The following NF1 variants were observed in gnomAD, a reference collection of about 807,000 sequenced individuals.
NF1 encodes the protein neurofibromin 1.
A neutral mutation model predicts 325.7 loss-of-function variants in NF1; 122 were observed. The observed-to-expected ratio is 0.37, with a 90% confidence interval of 0.32 to 0.44. The LOEUF (loss-of-function observed/expected upper bound fraction) is 0.44, where lower values mean the gene tolerates loss of function less well. NF1 is among the 20% of genes least tolerant of loss of function. The pLI, the probability that NF1 is intolerant of heterozygous loss-of-function variation, is 1.00. For missense variants in NF1, 2,140 were observed against 3,415.4 expected, an observed-to-expected ratio of 0.63 and a Z score of 9.31; for synonymous variants, 1,091 against 1,186.0, an observed-to-expected ratio of 0.92 and a Z score of 1.65.
chr17:31,161,875 A>G (rs2065766658), intron 3 of NF1, among the ~76,000 whole-genome samples: 3 of 151,848 alleles, frequency 2.0e-5, no homozygotes, highest in Admixed American at 2.0e-4. Context: ...ATATCTGCTA[A>G]AAATACAAAA....
chr17:31,176,843 C>T (rs910811187), intron 5 of NF1, among the ~76,000 whole-genome samples: 2 of 152,070 alleles, frequency 1.3e-5, no homozygotes, highest in Admixed American at 1.3e-4. Context: ...TTTCTGAGGC[C>T]TCTGTTCTGT....
chr17:31,260,327 G>A (rs1283865267), intron 33 of NF1, 42 bp from the exon 34 acceptor site: 1 of 1,596,578 alleles, frequency 6.3e-7, no homozygotes, highest in Non-Finnish European at 8.6e-7. Context: ...AAGTCTGGGT[G>A]TATCTGGTGT....
chr17:31,172,351 GTCTCTCTC>G (rs968759244), intron 5 of NF1, among the ~76,000 whole-genome samples: 2 of 39,278 alleles, frequency 5.1e-5, no homozygotes, highest in African/African-American at 8.4e-5. Flanking sequence ...CTGTCTCTCT[GTCTCTCTC>G]TCTCTCTCTC....
intron 36 of NF1, chr17:31,318,476 T>C: frequency 3.1e-6 from 5 of 1,614,036 alleles, no homozygotes; most frequent in Non-Finnish European, 4.2e-6. Flanking sequence ...AAATCGCCAT[T>C]GCTTCTAGGC....
At position 31,147,971 on chromosome 17, in the gene NF1, A is replaced by AAGGCT. The variant is rs1250570821; in HGVS notation, c.61-8012_61-8011insAGGCT. Among the ~76,000 whole-genome samples, 7 of 152,258 alleles carry AAGGCT rather than the reference A, an allele frequency of 4.6e-5. No individual in the cohort carries two copies. In the East Asian group the frequency reaches 1.3e-3, roughly 29 times the overall value. ...GTACATTGCCTGGGAAAAAAGCCTT[A>AAGGCT]TTTCTCAATCTGTTTTCCTGACCAG... On this transcript the variant is annotated intron_variant, in intron 1 of 57. Transcript: ENST00000358273.
intron 36 of NF1, among the ~76,000 whole-genome samples, chr17:31,284,854 C>T (rs1280039926): frequency 2.6e-5 from 4 of 152,086 alleles, no homozygotes; most frequent in Non-Finnish European, 5.9e-5. Flanking sequence ...GGCGTGGTGG[C>T]TCACGCCTGT....
chr17:31,359,833 GCT>G (rs2151586959), intron 56 of NF1: 1 of 155,922 alleles, frequency 6.4e-6, no homozygotes, highest in Admixed American at 6.2e-5. Context: ...CTGTATGTGG[GCT>G]CTCTCCAAAT....
At chr17:31,224,864 A>G (rs1434538973) in intron 16 of NF1, among the ~76,000 whole-genome samples, 1 of 152,176 alleles carries the variant, frequency 6.6e-6, no homozygotes, top group East Asian at 1.9e-4. Flanking sequence ...TATTTGTAGA[A>G]TCTACTGTTT....
intron 12 of NF1, among the ~76,000 whole-genome samples, chr17:31,208,084 A>G (rs1597691002): frequency 6.6e-6 from 1 of 152,194 alleles, no homozygotes; most frequent in Admixed American, 6.5e-5. Context: ...TCTTAGCCCT[A>G]GTTATAAGCT....
At chr17:31,348,219 A>G (rs1244444007) in intron 48 of NF1, among the ~76,000 whole-genome samples, 1 of 109,458 alleles carries the variant, frequency 9.1e-6, no homozygotes, top group African/African-American at 3.7e-5. Flanking sequence ...GAGTTATTCT[A>G]TAGAATACTC....
chr17:31,263,075 ATAGGTAGG>A (rs869183381), intron 35 of NF1, among the ~76,000 whole-genome samples: 1,595 of 140,628 alleles, frequency 0.011, 15 homozygotes, highest in African/African-American at 0.017. Flanking sequence ...AGGTAGATAG[ATAGGTAGG>A]TAGGTAGGTA....
At chr17:31,180,904 G>T (rs1161832749) in intron 5 of NF1, among the ~76,000 whole-genome samples, 1 of 152,122 alleles carries the variant, frequency 6.6e-6, no homozygotes, top group East Asian at 1.9e-4. Flanking sequence ...AAAGTCTCAG[G>T]ATACAAAATC....
chr17:31,323,151 C>T (rs557638907), intron 36 of NF1, among the ~76,000 whole-genome samples: 4 of 152,200 alleles, frequency 2.6e-5, no homozygotes, highest in African/African-American at 9.6e-5. Flanking sequence ...AATCTCAGCA[C>T]TTTGGGAGGC....
chr17:31,309,648 T>C (rs945429853), intron 36 of NF1, among the ~76,000 whole-genome samples: 9 of 152,368 alleles, frequency 5.9e-5, no homozygotes, highest in African/African-American at 9.6e-5. Context: ...TTTGTGACTT[T>C]GCTTAAAATA....
At chr17:31,318,638 A>G in intron 36 of NF1, 4 of 1,614,146 alleles carry the variant, frequency 2.5e-6, no homozygotes, top group Non-Finnish European at 3.4e-6. Context: ...TTTTCCGCAC[A>G]GACATCCTTT....
chr17:31,252,719 C>T (rs761181784), intron 30 of NF1: 9 of 547,618 alleles, frequency 1.6e-5, no homozygotes, highest in Middle Eastern at 4.6e-4. Flanking sequence ...ATGATTGGGT[C>T]TCAACATTTC....
intron 12 of NF1, among the ~76,000 whole-genome samples, chr17:31,210,236 A>C (rs1050094873): frequency 2.6e-5 from 4 of 152,208 alleles, no homozygotes; most frequent in Non-Finnish European, 5.9e-5. Context: ...GGCATTTAGT[A>C]CATGTTTGCA....
chr17:31,167,709 T>C (rs2065867786), intron 4 of NF1, among the ~76,000 whole-genome samples: 1 of 152,208 alleles, frequency 6.6e-6, no homozygotes, highest in Non-Finnish European at 1.5e-5. Flanking sequence ...TGGTTGTTGG[T>C]GTAAAATGGA....
rs1208244861 is a variant in NF1, at chr17:31,232,608, C to T, written c.3315-92C>T. Reference sequence around the variant, plus strand: ...GAAACAGTTAACCCAGGGCCATTCACACCATGCACATATGATTGTTTTGGA... The same window carrying T: ...GAAACAGTTAACCCAGGGCCATTCATACCATGCACATATGATTGTTTTGGA... On this transcript the variant is annotated intron_variant, in intron 25 of 57. Transcript: ENST00000358273. The T allele has an allele frequency of 8.9e-6, 11 of 1,234,962 alleles. No homozygotes were observed. In the East Asian group the frequency reaches 2.2e-4, roughly 25 times the overall value. 76.5% of individuals were successfully genotyped at this position (1,234,962 alleles called of 1,614,324 possible). A position where few individuals can be genotyped will look rare whatever the true frequency, so the allele number is the denominator to read the frequency against.
Sources: gnomAD v4.1 joint callset for allele counts (sites outside exome capture counted in the v4.1 genomes callset) on GRCh38, gnomAD v4.1.1 for gene constraint, MANE v1.5 for transcripts, NCBI Gene and HGNC (gene_info 2026-07-23, HGNC 2026-07-21) for gene names.